The following CDK14 variants were observed in gnomAD, a reference collection of about 807,000 sequenced individuals.
CDK14 encodes the protein cyclin dependent kinase 14, also known as cyclin-dependent kinase 14.
Under a neutral mutation model 60.7 loss-of-function variants are expected in CDK14, and 34 were observed. That is an observed-to-expected ratio of 0.56 (90% CI 0.43 to 0.75). CDK14 has a LOEUF of 0.75. CDK14 is among the 30% of genes least tolerant of loss of function. CDK14 has a pLI of 0.00. For missense variants in CDK14, 482 were observed against 564.1 expected (o/e 0.85, Z 1.47); for synonymous variants, 197 against 203.7 (o/e 0.97, Z 0.28).
At chr7:90,782,985 T>C (rs918307824) in intron 4 of CDK14, among the ~76,000 whole-genome samples, 10 of 152,164 alleles carry the variant, frequency 6.6e-5, no homozygotes, top group Non-Finnish European at 1.5e-5. Context: ...TTACTTTTAA[T>C]TGCAAGATGA....
chr7:90,884,488 T>C (rs1791877611), intron 6 of CDK14, among the ~76,000 whole-genome samples: 1 of 152,090 alleles, frequency 6.6e-6, no homozygotes, highest in South Asian at 2.1e-4. Context: ...AGAGTCAATA[T>C]CATGAAAATG....
intron 2 of CDK14, among the ~76,000 whole-genome samples, chr7:90,610,362 A>T (rs1007077656): frequency 3.9e-5 from 6 of 152,162 alleles, no homozygotes; most frequent in African/African-American, 1.4e-4. Context: ...CTTAGCTGGA[A>T]CGTCAGGCAA....
chr7:90,960,858 C>T (rs1174209902), intron 9 of CDK14, among the ~76,000 whole-genome samples: 1 of 152,010 alleles, frequency 6.6e-6, no homozygotes, highest in Admixed American at 6.6e-5. Flanking sequence ...TAAATTTGTT[C>T]TATATGAGGT....
At chr7:90,637,494 GAGAGAT>G (rs1410067814) in intron 2 of CDK14, among the ~76,000 whole-genome samples, 1 of 151,342 alleles carries the variant, frequency 6.6e-6, no homozygotes, top group African/African-American at 2.4e-5. Flanking sequence ...ACTGTGGTCT[GAGAGAT>G]AGTTTGTTAT....
intron 9 of CDK14, among the ~76,000 whole-genome samples, chr7:90,961,128 A>C (rs1020945233): frequency 6.6e-6 from 1 of 152,168 alleles, no homozygotes; most frequent in African/African-American, 2.4e-5. Context: ...ATAATCTCTT[A>C]AGATGATTTA....
chr7:90,909,386 C>T (rs1792815559), intron 7 of CDK14, among the ~76,000 whole-genome samples: 1 of 151,988 alleles, frequency 6.6e-6, no homozygotes, highest in Admixed American at 6.6e-5. Context: ...ATTTCTAATA[C>T]TAATTTTAGG....
chr7:90,612,991 C>A (rs1441176887), intron 2 of CDK14, among the ~76,000 whole-genome samples: 1 of 152,086 alleles, frequency 6.6e-6, no homozygotes, highest in Non-Finnish European at 1.5e-5. Context: ...TTAATTCTCT[C>A]ATTGGAAATT....
intron 2 of CDK14, among the ~76,000 whole-genome samples, chr7:90,630,046 A>G (rs1315125732): frequency 4.3e-5 from 3 of 70,584 alleles, no homozygotes; most frequent in Non-Finnish European, 7.6e-5. Flanking sequence ...CTCAAACAAA[A>G]CAAAACAAAA....
intron 4 of CDK14, among the ~76,000 whole-genome samples, chr7:90,759,540 C>T (rs1804230215): frequency 6.6e-6 from 1 of 152,164 alleles, no homozygotes; most frequent in South Asian, 2.1e-4. Flanking sequence ...GAGCTACTAC[C>T]TCTCACAACC....
chr7:91,086,687 A>G (rs1462036101), intron 12 of CDK14, among the ~76,000 whole-genome samples: 1 of 151,948 alleles, frequency 6.6e-6, no homozygotes, highest in Non-Finnish European at 1.5e-5. Context: ...GTGTGTGTAT[A>G]TATCTTAATT....
chr7:90,598,964 A>G (rs1346026572), intron 1 of CDK14, among the ~76,000 whole-genome samples: 1 of 151,968 alleles, frequency 6.6e-6, no homozygotes, highest in African/African-American at 2.4e-5. Context: ...TCGGCCTCCC[A>G]AAGTGCTGGG....
chr7:90,818,880 ATATATATGTGTGTGTGTGTGTGTGTGTG>A (rs1789444770), intron 5 of CDK14, among the ~76,000 whole-genome samples: 1 of 48,814 alleles, frequency 2.0e-5, no homozygotes, highest in Non-Finnish European at 3.8e-5. Context: ...GTGTGTGTGT[ATATATATGTGTGTGTGTGTGTGTGTGTG>A]TATATATATA....
intron 6 of CDK14, among the ~76,000 whole-genome samples, chr7:90,864,230 C>G (rs1172412073): frequency 6.6e-6 from 1 of 151,906 alleles, no homozygotes; most frequent in Non-Finnish European, 1.5e-5. Flanking sequence ...TTTATCTTGT[C>G]TATTTACATA....
At chr7:90,839,951 A>G (rs1156403237) in intron 5 of CDK14, among the ~76,000 whole-genome samples, 2 of 152,208 alleles carry the variant, frequency 1.3e-5, no homozygotes, top group Non-Finnish European at 2.9e-5. Flanking sequence ...CATATACTGC[A>G]TGCCTACTGT....
intron 10 of CDK14, among the ~76,000 whole-genome samples, chr7:91,001,743 G>A (rs890029403): frequency 1.3e-5 from 2 of 152,206 alleles, no homozygotes; most frequent in Admixed American, 6.5e-5. Flanking sequence ...CAGGAACAAA[G>A]TTGGTTGAGC....
At chr7:90,871,494 G>T (rs1053479128) in intron 6 of CDK14, among the ~76,000 whole-genome samples, 3 of 152,130 alleles carry the variant, frequency 2.0e-5, no homozygotes, top group Non-Finnish European at 4.4e-5. Context: ...TCTAGATGGG[G>T]TAAGGAAGTC....
chr7:90,708,725 G>A (rs190177343), intron 2 of CDK14, among the ~76,000 whole-genome samples: 177 of 152,228 alleles, frequency 1.2e-3, no homozygotes, highest in Non-Finnish European at 2.0e-3. Flanking sequence ...TGGGAATATC[G>A]ACCACTTATC....
intron 2 of CDK14, among the ~76,000 whole-genome samples, chr7:90,635,675 T>C (rs960787076): frequency 6.6e-6 from 1 of 152,228 alleles, no homozygotes; most frequent in South Asian, 2.1e-4. Flanking sequence ...GTGAAGAAAG[T>C]CATTGGTAGC....
At chr7:90,803,151 G>A (rs1036751982) in intron 5 of CDK14, among the ~76,000 whole-genome samples, 2 of 151,332 alleles carry the variant, frequency 1.3e-5, no homozygotes, top group East Asian at 3.9e-4. Context: ...TTTGGGGGTC[G>A]TTTCTTGGAA....
Sources: allele counts gnomAD v4.1 joint callset (sites outside exome capture counted in the v4.1 genomes callset), GRCh38; gene constraint gnomAD v4.1.1; transcripts MANE v1.5; gene names NCBI Gene and HGNC (gene_info 2026-07-23, HGNC 2026-07-21).